Variants in GALNT3 observed in about 807,000 individuals in gnomAD.
GALNT3 encodes the protein polypeptide N-acetylgalactosaminyltransferase 3, also known as GalNAc transferase 3.
In GALNT3, 51 loss-of-function variants were observed where a neutral mutation model predicts 69.8. That is an observed-to-expected ratio of 0.73 (90% CI 0.58 to 0.92). The LOEUF is 0.92. Among genes scored for constraint, GALNT3 ranks in the 40% least tolerant of loss-of-function variants. GALNT3 has a pLI of 0.00. For synonymous variants in GALNT3, 265 were observed against 248.5 expected (o/e 1.07, Z -0.63); for missense variants, 711 against 760.0 (o/e 0.94, Z 0.76).
At chr2:165,769,441 A>AATAAT (rs1365934792) in intron 2 of GALNT3, among the ~76,000 whole-genome samples, 1,528 of 79,744 alleles carry the variant, frequency 0.019, 28 homozygotes, top group African/African-American at 0.052. Flanking sequence ...TAATAATAAT[A>AATAAT]AATAAATAAA....
At chr2:165,757,010 G>A (rs181587563) in intron 7 of GALNT3, 37 bp downstream of exon 7, 13 of 1,505,646 alleles carry the variant, frequency 8.6e-6, no homozygotes, top group African/African-American at 6.9e-5. Context: ...ACTTGTTATA[G>A]ATTTTATTGC....
chr2:165,788,321 A>G lies in GALNT3; in HGVS notation c.-109+5694T>C, dbSNP rs1683268487. On this transcript the variant is annotated intron_variant, in intron 1 of 10. Coordinates refer to ENST00000392701, the MANE Select transcript of GALNT3 (RefSeq NM_004482.4). ...GATAGAGCAAGACATCACCTCAAAA[A>G]AAAAAAAAAAAAAAAAAGGCAGATT... Among the ~76,000 whole-genome samples the G allele has an allele frequency of 2.7e-5, 4 of 146,768 alleles. No homozygotes were observed. In the South Asian group the frequency reaches 8.4e-4, roughly 31 times the overall value.
chr2:165,759,604 A>G, intron 4 of GALNT3, 34 bp from the exon 5 acceptor site: 1 of 1,520,174 alleles, frequency 6.6e-7, no homozygotes. Context: ...AATTCAATAA[A>G]AACATTGAAG....
At chr2:165,784,252 G>C (rs1683174905) in intron 1 of GALNT3, among the ~76,000 whole-genome samples, 1 of 152,144 alleles carries the variant, frequency 6.6e-6, no homozygotes, top group Admixed American at 6.5e-5. Flanking sequence ...TAGGCAAAGG[G>C]AGAGGCCCTG....
intron 1 of GALNT3, among the ~76,000 whole-genome samples, chr2:165,782,565 C>T (rs1028504900): frequency 6.6e-6 from 1 of 152,030 alleles, no homozygotes; most frequent in Non-Finnish European, 1.5e-5. Context: ...TCCAATTATT[C>T]ATTAAAGAAC....
intron 4 of GALNT3, among the ~76,000 whole-genome samples, chr2:165,760,399 T>A (rs1205353332): frequency 6.6e-6 from 1 of 152,134 alleles, no homozygotes; most frequent in Non-Finnish European, 1.5e-5. Context: ...CCAGGCTGTT[T>A]TATGTAACAC....
intron 2 of GALNT3, among the ~76,000 whole-genome samples, chr2:165,767,867 A>ATTT (rs1559000460): frequency 7.3e-6 from 1 of 136,254 alleles, no homozygotes; most frequent in Non-Finnish European, 1.6e-5. Context: ...TAAAAAACAA[A>ATTT]TCTTTTTTTT....
intron 1 of GALNT3, among the ~76,000 whole-genome samples, chr2:165,779,899 C>A (rs1469692908): frequency 6.6e-6 from 1 of 152,188 alleles, no homozygotes; most frequent in East Asian, 1.9e-4. Flanking sequence ...TAGGAGTCCA[C>A]AGATGTTGGT....
At chr2:165,777,232 T>C (rs1190305652) in intron 1 of GALNT3, among the ~76,000 whole-genome samples, 1 of 152,156 alleles carries the variant, frequency 6.6e-6, no homozygotes, top group Non-Finnish European at 1.5e-5. Context: ...CAAAACTTCC[T>C]TACTACTGAG....
intron 2 of GALNT3, among the ~76,000 whole-genome samples, chr2:165,765,965 A>T (rs1419258225): frequency 6.6e-6 from 1 of 152,190 alleles, no homozygotes; most frequent in African/African-American, 2.4e-5. Flanking sequence ...TATTTAAAAT[A>T]GAGACAGTCT....
intron 1 of GALNT3, among the ~76,000 whole-genome samples, chr2:165,788,397 C>T (rs1334411613): frequency 6.6e-6 from 1 of 150,410 alleles, no homozygotes; most frequent in Admixed American, 6.6e-5. Flanking sequence ...ATTTCTACCC[C>T]AAAATTTTTA....
chr2:165,773,555 T>C (rs1345252672), intron 1 of GALNT3, among the ~76,000 whole-genome samples: 1 of 152,166 alleles, frequency 6.6e-6, no homozygotes, highest in Non-Finnish European at 1.5e-5. Flanking sequence ...AAGGAGATAA[T>C]TTGTTCAGTT....
At position 165,758,816 on chromosome 2, in the gene GALNT3, A is replaced by G; in HGVS notation, c.1122T>C (p.Phe374=). The G allele has an allele frequency of 1.2e-6, 2 of 1,611,518 alleles. No homozygotes were observed. The highest frequency in any genetic ancestry group is 1.7e-6 in the Non-Finnish European group (2 of 1,177,852). Residue 374 remains phenylalanine (F), a synonymous_variant, in exon 6 of 11, where the codon TTT becomes TTC. Coordinates refer to ENST00000392701, the MANE Select transcript of GALNT3 (RefSeq NM_004482.4). Reference sequence around the variant, plus strand: ...CTTCATCATAGCTTCCAATATACTCAAAATATTCTTTTGATATGGAAAAAA... The same window carrying G: ...CTTCATCATAGCTTCCAATATACTCGAAATATTCTTTTGATATGGAAAAAA... ...GGLFSISKEY[F]EYIGSYDEEM...
chr2:165,780,649 G>T (rs11686411), intron 1 of GALNT3, among the ~76,000 whole-genome samples: 86,130 of 146,708 alleles, frequency 0.59, 24,734 homozygotes, highest in East Asian at 0.69. Flanking sequence ...GGGTTTTTTT[G>T]TTGTTGTTGT....
At chr2:165,769,437 T>TAATAATAATA (rs372741283) in intron 2 of GALNT3, among the ~76,000 whole-genome samples, 80 of 118,002 alleles carry the variant, frequency 6.8e-4, no homozygotes, top group East Asian at 5.1e-3. Context: ...ATAATAATAA[T>TAATAATAATA]AATAAATAAA....
chr2:165,756,335 A>G (rs1031971113), intron 7 of GALNT3, among the ~76,000 whole-genome samples: 14 of 152,292 alleles, frequency 9.2e-5, no homozygotes, highest in African/African-American at 2.6e-4. Context: ...AGACTATTGG[A>G]ACTCACTTCT....
intron 1 of GALNT3, among the ~76,000 whole-genome samples, chr2:165,772,606 A>AAAT (rs1688772773): frequency 6.6e-6 from 1 of 151,018 alleles, no homozygotes; most frequent in Non-Finnish European, 1.5e-5. Flanking sequence ...AAAAAAAAAA[A>AAAT]AAAGGGAAAA....
intron 1 of GALNT3, among the ~76,000 whole-genome samples, chr2:165,792,621 T>C (rs1683376400): frequency 6.6e-6 from 1 of 152,206 alleles, no homozygotes; most frequent in South Asian, 2.1e-4. Context: ...ATTTAAAAAA[T>C]ATTTTTAAAA....
At chr2:165,778,029 A>C (rs530671996) in intron 1 of GALNT3, among the ~76,000 whole-genome samples, 6 of 152,308 alleles carry the variant, frequency 3.9e-5, no homozygotes, top group African/African-American at 1.4e-4. Context: ...CATCTCCCTC[A>C]TCGTCATCTC....
Sources: gnomAD v4.1 joint callset for allele counts (sites outside exome capture counted in the v4.1 genomes callset) on GRCh38, gnomAD v4.1.1 for gene constraint, MANE v1.5 for transcripts, NCBI Gene and HGNC (gene_info 2026-07-23, HGNC 2026-07-21) for gene names.